SH2D4B: variants seen among roughly 807,000 people sequenced by gnomAD.
The protein encoded by SH2D4B is SH2 domain containing 4B.
A neutral mutation model predicts 61.5 loss-of-function variants in SH2D4B; 45 were observed. That is an observed-to-expected ratio of 0.73 (90% confidence interval 0.58 to 0.94). The LOEUF is 0.94. Ranked by LOEUF, SH2D4B falls within the 40% of genes least tolerant of loss-of-function variation. The pLI is 0.00. For synonymous variants in SH2D4B, 224 were observed against 220.4 expected (o/e 1.02, Z -0.14); for missense variants, 572 against 574.2 (o/e 1.00, Z 0.04).
intron 4 of SH2D4B, among the ~76,000 whole-genome samples, chr10:80,593,332 C>T (rs1842352957): frequency 6.6e-6 from 1 of 152,214 alleles, no homozygotes; most frequent in Non-Finnish European, 1.5e-5. Context: ...TTCATGATCA[C>T]AGAATGTCTT....
At chr10:80,561,768 C>A (rs1226873478) in intron 1 of SH2D4B, among the ~76,000 whole-genome samples, 4 of 152,012 alleles carry the variant, frequency 2.6e-5, no homozygotes, top group Non-Finnish European at 5.9e-5. Flanking sequence ...CACATTGCAA[C>A]TAACATTTAA....
intron 4 of SH2D4B, among the ~76,000 whole-genome samples, chr10:80,589,739 G>A (rs1378364612): frequency 6.6e-6 from 1 of 152,188 alleles, no homozygotes; most frequent in African/African-American, 2.4e-5. Context: ...GAGGTGTCAT[G>A]AAGTGAGGCT....
chr10:80,551,427 G>T (rs1260139716), intron 1 of SH2D4B, among the ~76,000 whole-genome samples: 1 of 151,882 alleles, frequency 6.6e-6, no homozygotes, highest in East Asian at 1.9e-4. Flanking sequence ...GATTTAAATA[G>T]AAAAATATTT....
intron 1 of SH2D4B, among the ~76,000 whole-genome samples, chr10:80,560,049 G>A (rs1021954307): frequency 7.1e-5 from 10 of 141,844 alleles, no homozygotes; most frequent in Admixed American, 1.5e-4. Context: ...GTGCAATGGC[G>A]TGATCTCAGC....
Position 80,539,369 on chromosome 10 carries a change from C to G in SH2D4B, c.184+854C>G, listed in dbSNP as rs944660757. On this transcript the variant is annotated intron_variant, in intron 1 of 7. Coordinates refer to ENST00000646907, the MANE Select transcript of SH2D4B (RefSeq NM_001388272.1). The surrounding 1 kb of genome is among the most constrained non-coding windows in gnomAD (Gnocchi z 4.9). ...ACCCTTTGAAGTTTTCAATCCAGAA[C>G]AAAGTCCTGTTTCAGGGCTGAGCAC... is the stretch of plus-strand genomic sequence containing the variant. 1.3e-5 allele frequency among the ~76,000 whole-genome samples: 2 copies of G among 152,228 alleles called. No individual in the cohort carries two copies. Among genetic ancestry groups the G allele is most frequent in the Non-Finnish European group, 2.9e-5 (2 of 68,040 alleles).
chr10:80,639,327 G>T (rs370710079), intron 7 of SH2D4B, among the ~76,000 whole-genome samples: 14 of 152,318 alleles, frequency 9.2e-5, no homozygotes, highest in Middle Eastern at 6.8e-3. Flanking sequence ...CTGAGTTCAA[G>T]TCCTGGATAT....
chr10:80,626,995 A>T (rs904245573), intron 6 of SH2D4B, among the ~76,000 whole-genome samples: 1 of 152,164 alleles, frequency 6.6e-6, no homozygotes, highest in Non-Finnish European at 1.5e-5. Flanking sequence ...ACTGGTTATA[A>T]CAGGGTTGAT....
At chr10:80,628,377 T>C (rs12240821) in intron 6 of SH2D4B, among the ~76,000 whole-genome samples, 53,354 of 152,068 alleles carry the variant, frequency 0.35, 10,046 homozygotes, top group African/African-American at 0.47. Flanking sequence ...AAGCTCCTCT[T>C]TTTGCCTGCT....
chr10:80,606,645 G>A (rs759953777), intron 5 of SH2D4B, among the ~76,000 whole-genome samples: 7 of 152,136 alleles, frequency 4.6e-5, no homozygotes, highest in Non-Finnish European at 1.0e-4. Flanking sequence ...ACTGTGCCCG[G>A]CCTGTTACAT....
intron 6 of SH2D4B, among the ~76,000 whole-genome samples, chr10:80,633,609 A>G (rs1842858623): frequency 6.6e-6 from 1 of 151,972 alleles, no homozygotes; most frequent in African/African-American, 2.4e-5. Flanking sequence ...TCCTGAGAGC[A>G]TTTCAGGGGA....
chr10:80,603,895 G>A (rs1262008741), intron 5 of SH2D4B, 100 bp downstream of exon 5: 5 of 1,071,752 alleles, frequency 4.7e-6, no homozygotes, highest in African/African-American at 1.6e-5. Flanking sequence ...GATTTGCTGT[G>A]TAGTTTGGGG....
chr10:80,603,337 C>T (rs952126019), intron 4 of SH2D4B, among the ~76,000 whole-genome samples: 1 of 152,142 alleles, frequency 6.6e-6, no homozygotes, highest in Non-Finnish European at 1.5e-5. Context: ...TAGGGACAGG[C>T]TTGCCCTAGG....
At chr10:80,563,605 T>C (rs1245313396) in intron 1 of SH2D4B, among the ~76,000 whole-genome samples, 3 of 152,182 alleles carry the variant, frequency 2.0e-5, no homozygotes, top group African/African-American at 7.2e-5. Flanking sequence ...TATTATGCAG[T>C]ATATGTTAAT....
chr10:80,582,087 T>C (rs1042208786), intron 3 of SH2D4B, among the ~76,000 whole-genome samples: 1 of 152,184 alleles, frequency 6.6e-6, no homozygotes, highest in Non-Finnish European at 1.5e-5. Context: ...GAGTTGGGAA[T>C]TAAGGGCTAA....
intron 1 of SH2D4B, among the ~76,000 whole-genome samples, chr10:80,554,780 C>G (rs1051518082): frequency 6.6e-6 from 1 of 151,964 alleles, no homozygotes; most frequent in East Asian, 1.9e-4. Flanking sequence ...GAGGCCGAGG[C>G]GGGTGGATCA....
intron 3 of SH2D4B, among the ~76,000 whole-genome samples, chr10:80,576,979 T>A (rs1232192180): frequency 3.3e-5 from 5 of 152,142 alleles, no homozygotes; most frequent in African/African-American, 1.2e-4. Flanking sequence ...GTTAGCCAAG[T>A]TGGTCTCGAA....
intron 6 of SH2D4B, among the ~76,000 whole-genome samples, chr10:80,619,652 C>T (rs1054494935): frequency 3.3e-5 from 5 of 152,250 alleles, no homozygotes; most frequent in Admixed American, 3.3e-4. Flanking sequence ...CATCCATTGT[C>T]CTCCTGGGAT....
At chr10:80,640,723 A>G (rs890259687) in intron 7 of SH2D4B, among the ~76,000 whole-genome samples, 1 of 152,076 alleles carries the variant, frequency 6.6e-6, no homozygotes, top group Non-Finnish European at 1.5e-5. Context: ...CTTCCTTGCG[A>G]TGGGTTCAAA....
intron 1 of SH2D4B, among the ~76,000 whole-genome samples, chr10:80,559,526 T>C (rs993399963): frequency 2.0e-5 from 3 of 152,212 alleles, no homozygotes; most frequent in Non-Finnish European, 2.9e-5. Flanking sequence ...CTTATATCTG[T>C]TTCTTACTGT....
Sources: allele counts gnomAD v4.1 joint callset (sites outside exome capture counted in the v4.1 genomes callset), GRCh38; gene constraint gnomAD v4.1.1; non-coding constraint Gnocchi (gnomAD v3.1); transcripts MANE v1.5; gene names NCBI Gene and HGNC (gene_info 2026-07-23, HGNC 2026-07-21).